The following ADGRL4 variants were observed in gnomAD, a reference collection of about 807,000 sequenced individuals.
The protein encoded by ADGRL4 is EGF, latrophilin and seven transmembrane domain containing 1.
ADGRL4 carries 90 observed loss-of-function variants against 74.8 expected under a neutral mutation model. The ratio of observed to expected loss-of-function variants is 1.20; its 90% CI spans 1.02 to 1.43. The LOEUF (loss-of-function observed/expected upper bound fraction) is 1.43. ADGRL4 is among the 40% of genes most tolerant of loss of function. ADGRL4 has a pLI of 0.00. For missense variants in ADGRL4, 881 were observed against 814.3 expected (o/e 1.08, Z -1.00); for synonymous variants, 311 against 279.2 (o/e 1.11, Z -1.14).
At chr1:78,916,065 C>A (rs1308023495) in intron 12 of ADGRL4, among the ~76,000 whole-genome samples, 1 of 151,796 alleles carries the variant, frequency 6.6e-6, no homozygotes, top group Non-Finnish European at 1.5e-5. Context: ...AACAATGTGA[C>A]AGTGTTCATT....
intron 2 of ADGRL4, among the ~76,000 whole-genome samples, chr1:78,956,458 C>T (rs531509968): frequency 2.0e-4 from 30 of 152,280 alleles, no homozygotes; most frequent in African/African-American, 6.3e-4. Context: ...ACAAGTTCAT[C>T]TTGCCATCAT....
chr1:78,966,895 A>T (rs1570260527), intron 2 of ADGRL4, among the ~76,000 whole-genome samples: 2 of 132,634 alleles, frequency 1.5e-5, no homozygotes, highest in African/African-American at 2.8e-5. Context: ...TTTAGAAGAC[A>T]TTTTACTAGG....
intron 2 of ADGRL4, among the ~76,000 whole-genome samples, chr1:78,990,977 A>G (rs11162586): frequency 0.61 from 92,251 of 151,768 alleles, 28,340 homozygotes; most frequent in South Asian, 0.69. Flanking sequence ...AAAACTATCA[A>G]GCAAGTGTTA....
At chr1:78,964,486 C>A (rs1185756604) in intron 2 of ADGRL4, among the ~76,000 whole-genome samples, 3 of 152,148 alleles carry the variant, frequency 2.0e-5, no homozygotes, top group Admixed American at 6.6e-5. Context: ...ATAGCAAGGG[C>A]ACTGTAGGCA....
intron 10 of ADGRL4, among the ~76,000 whole-genome samples, chr1:78,919,369 G>A (rs1468726846): frequency 9.2e-5 from 14 of 151,906 alleles, no homozygotes; most frequent in Non-Finnish European, 1.5e-5. Context: ...GAGTACAGTA[G>A]GGTTACTGCT....
chr1:78,975,194 C>T (rs1650252838), intron 2 of ADGRL4, among the ~76,000 whole-genome samples: 1 of 151,982 alleles, frequency 6.6e-6, no homozygotes, highest in Admixed American at 6.6e-5. Flanking sequence ...CACTCTTGAC[C>T]ACCATTTGTT....
intron 12 of ADGRL4, among the ~76,000 whole-genome samples, chr1:78,897,568 T>C (rs1210300212): frequency 2.0e-5 from 3 of 152,196 alleles, no homozygotes; most frequent in African/African-American, 7.2e-5. Flanking sequence ...GCCATAGTTT[T>C]GACACCTATC....
intron 2 of ADGRL4, among the ~76,000 whole-genome samples, chr1:78,970,467 C>T (rs1650146857): frequency 6.6e-6 from 1 of 152,132 alleles, no homozygotes; most frequent in Non-Finnish European, 1.5e-5. Context: ...AATTCCTATT[C>T]TCTAGCCCCT....
At chr1:78,968,339 T>A (rs1023081102) in intron 2 of ADGRL4, among the ~76,000 whole-genome samples, 5 of 152,036 alleles carry the variant, frequency 3.3e-5, no homozygotes, top group Admixed American at 6.6e-5. Context: ...CAGTAATAGA[T>A]CAGGCTGGAG....
chr1:78,944,833 G>A (rs1348545992), intron 3 of ADGRL4, among the ~76,000 whole-genome samples: 1 of 151,942 alleles, frequency 6.6e-6, no homozygotes, highest in African/African-American at 2.4e-5. Context: ...GTGAAGCGTA[G>A]GTACATGAGA....
intron 2 of ADGRL4, among the ~76,000 whole-genome samples, chr1:78,994,668 A>T (rs1011836783): frequency 6.6e-6 from 1 of 152,164 alleles, no homozygotes; most frequent in Admixed American, 6.6e-5. Flanking sequence ...GACAGATAAA[A>T]TTTTTTTAAA....
chr1:78,966,512 C>A (rs1412743008), intron 2 of ADGRL4, among the ~76,000 whole-genome samples: 1 of 152,090 alleles, frequency 6.6e-6, no homozygotes, highest in African/African-American at 2.4e-5. Context: ...TGCTTCTGAG[C>A]CTTTTCATCC....
intron 12 of ADGRL4, among the ~76,000 whole-genome samples, chr1:78,900,376 A>G (rs1648491940): frequency 6.6e-6 from 1 of 152,210 alleles, no homozygotes. Context: ...TCTAACCTAC[A>G]GAACTGTGAG....
chr1:78,891,395 A>C (rs545309183), intron 14 of ADGRL4, 129 bp downstream of exon 14: 435 of 1,235,172 alleles, frequency 3.5e-4, no homozygotes, highest in Non-Finnish European at 3.5e-4. Context: ...ATATTTTCCT[A>C]TGAACAGCTA....
At chr1:78,949,942 G>T (rs17102512) in intron 2 of ADGRL4, among the ~76,000 whole-genome samples, 5 of 151,942 alleles carry the variant, frequency 3.3e-5, no homozygotes, top group Non-Finnish European at 5.9e-5. Flanking sequence ...CCTCTGATAC[G>T]CTGAGTTAAG....
chr1:78,927,200 T>C (rs944992050), intron 7 of ADGRL4, 109 bp from the exon 8 acceptor site: 2 of 717,156 alleles, frequency 2.8e-6, no homozygotes, highest in Middle Eastern at 4.1e-4. Flanking sequence ...TTTAGAAATT[T>C]ATACAAATCC....
intron 12 of ADGRL4, among the ~76,000 whole-genome samples, chr1:78,908,091 G>C (rs1466835339): frequency 6.6e-6 from 1 of 151,874 alleles, no homozygotes; most frequent in Non-Finnish European, 1.5e-5. Context: ...ATATTAAAGG[G>C]GACAGAGGGA....
At chr1:79,005,738 T>C (rs1650949384) in intron 1 of ADGRL4, among the ~76,000 whole-genome samples, 1 of 152,244 alleles carries the variant, frequency 6.6e-6, no homozygotes, top group Admixed American at 6.5e-5. Flanking sequence ...GTTCTAATGA[T>C]TGTTTTCAAT....
chr1:78,945,821 A>G (rs957103801), intron 3 of ADGRL4, among the ~76,000 whole-genome samples: 1 of 128,004 alleles, frequency 7.8e-6, no homozygotes, highest in Non-Finnish European at 1.8e-5. Flanking sequence ...GCAGAGGTAA[A>G]ACCACTAGAA....
Sources: allele counts gnomAD v4.1 joint callset (sites outside exome capture counted in the v4.1 genomes callset), GRCh38; gene constraint gnomAD v4.1.1; transcripts MANE v1.5; gene names NCBI Gene and HGNC (gene_info 2026-07-23, HGNC 2026-07-21).